The following KIF2A variants were observed in gnomAD, a reference collection of about 807,000 sequenced individuals.
KIF2A encodes kinesin family member 2A.
KIF2A carries 22 observed loss-of-function variants against 100.2 expected under a neutral mutation model. That is an observed-to-expected ratio of 0.22 (90% CI 0.16 to 0.31). KIF2A has a LOEUF of 0.31. Ranked by LOEUF, KIF2A falls within the 10% of genes least tolerant of loss-of-function variation. KIF2A has a pLI of 1.00. For missense variants in KIF2A, 495 were observed against 898.7 expected (o/e 0.55, Z 5.74); for synonymous variants, 268 against 285.9 (o/e 0.94, Z 0.63).
intron 1 of KIF2A, among the ~76,000 whole-genome samples, chr5:62,340,244 T>C (rs1359052856): frequency 6.6e-6 from 1 of 152,180 alleles, no homozygotes; most frequent in Non-Finnish European, 1.5e-5. Flanking sequence ...GCAGTTGTTA[T>C]CTTTGGGAGG....
In KIF2A at chr5:62,370,878, G is replaced by GA. The variant is rs1216604637; in HGVS notation, c.1647-1554dup. ...TTGGGCAAGAGGGCTTTGGATAGAG[G>GA]AAAAAATGTGTGGATGAAGCTAATA... On this transcript the variant is annotated intron_variant, in intron 16 of 20. Coordinates refer to ENST00000407818, the MANE Select transcript of KIF2A (RefSeq NM_001098511.3). 3.9e-5 allele frequency among the ~76,000 whole-genome samples: 6 copies of GA among 152,010 alleles called. No homozygotes were observed. In the East Asian group the frequency reaches 9.6e-4, roughly 24 times the overall value.
chr5:62,363,695 A>G lies in KIF2A; in HGVS notation c.1263A>G (p.Arg421=), dbSNP rs758829591. 2.4e-5 allele frequency: 39 copies of G among 1,612,512 alleles called. No homozygotes were observed. In the Admixed American group the frequency reaches 6.3e-4, roughly 26 times the overall value. The change falls in exon 14 of 21, where the codon AGA becomes AGG. Residue 421 remains arginine (R), a splice_region_variant and synonymous_variant. Transcript: ENST00000407818. ...CAAGATGTCCTTAATCACATTGTAG[A>G]ACATCCGGTCAAACATCTGCAAATG... is the stretch of plus-strand genomic sequence containing the variant. The part of the protein sequence containing the change: ...LKLIDIGNSC[R]TSGQTSANAH...
chr5:62,328,320 G>T (rs368741053), intron 1 of KIF2A, among the ~76,000 whole-genome samples: 241 of 144,336 alleles, frequency 1.7e-3, no homozygotes, highest in Non-Finnish European at 2.5e-3. Context: ...GTACTGTGTG[G>T]TTTTTTTTTT....
chr5:62,331,871 A>G (rs1237569429), intron 1 of KIF2A, among the ~76,000 whole-genome samples: 1 of 151,444 alleles, frequency 6.6e-6, no homozygotes, highest in Non-Finnish European at 1.5e-5. Flanking sequence ...GCTTTTTTGT[A>G]TTTTTCCTAA....
Position 62,388,623 on chromosome 5 carries a change from A to G in KIF2A, c.*3054A>G, listed in dbSNP as rs1443000660. 4 of 170,150 alleles carry G rather than the reference A, an allele frequency of 2.4e-5. No individual in the cohort carries two copies. The highest frequency in any genetic ancestry group is 6.3e-5 in the Admixed American group (1 of 15,902). 10.5% of individuals were successfully genotyped at this position (170,150 alleles called of 1,614,324 possible). ...TGGTATGGGGAATGTGTGACTAGTG[A>G]AGCATATTTTAACTTTTTTATTACT... On this transcript the variant is annotated 3_prime_UTR_variant, in exon 21 of 21. Coordinates refer to ENST00000407818, the MANE Select transcript of KIF2A (RefSeq NM_001098511.3).
At chr5:62,342,757 AT>A (rs558258021) in intron 1 of KIF2A, among the ~76,000 whole-genome samples, 12,116 of 141,602 alleles carry the variant, frequency 0.086, 1,491 homozygotes, top group African/African-American at 0.28. Context: ...TTTAATCTTA[AT>A]TTTTTTTTTT....
chr5:62,335,810 T>C (rs1169324587), intron 1 of KIF2A, among the ~76,000 whole-genome samples: 1 of 152,232 alleles, frequency 6.6e-6, no homozygotes. Context: ...TGACATTTTC[T>C]GTACTAATTT....
At chr5:62,339,679 T>G (rs1747180777) in intron 1 of KIF2A, among the ~76,000 whole-genome samples, 1 of 150,940 alleles carries the variant, frequency 6.6e-6, no homozygotes, top group Non-Finnish European at 1.5e-5. Flanking sequence ...TGTATATTTG[T>G]GCAATGAAAT....
intron 6 of KIF2A, among the ~76,000 whole-genome samples, chr5:62,353,971 A>T (rs1000531501): frequency 3.3e-5 from 5 of 152,010 alleles, no homozygotes; most frequent in South Asian, 2.1e-4. Flanking sequence ...GTTATTATAC[A>T]TAACTGCACC....
intron 18 of KIF2A, among the ~76,000 whole-genome samples, chr5:62,376,736 TTTTTGTTTTG>T (rs772447857): frequency 3.9e-5 from 6 of 151,986 alleles, no homozygotes; most frequent in East Asian, 1.9e-4. Flanking sequence ...TTTTTTTTGT[TTTTTGTTTTG>T]TTTTGTTTTG....
chr5:62,337,891 GA>G, intron 1 of KIF2A, among the ~76,000 whole-genome samples: 1 of 151,718 alleles, frequency 6.6e-6, no homozygotes, highest in Non-Finnish European at 1.5e-5. Flanking sequence ...TAAAAATCCA[GA>G]ACAAAACAGA....
intron 1 of KIF2A, among the ~76,000 whole-genome samples, chr5:62,340,203 C>T (rs1747224951): frequency 6.6e-6 from 1 of 152,100 alleles, no homozygotes; most frequent in Admixed American, 6.5e-5. Context: ...TCCCAAAGTG[C>T]TGGGATTGCA....
intron 1 of KIF2A, among the ~76,000 whole-genome samples, chr5:62,322,894 G>A (rs1350224919): frequency 9.4e-6 from 1 of 106,804 alleles, no homozygotes; most frequent in Non-Finnish European, 1.8e-5. Context: ...TATTTTTAAT[G>A]TTACTTTAAA....
chr5:62,323,526 G>GAA (rs879662161), intron 1 of KIF2A, among the ~76,000 whole-genome samples: 6 of 81,994 alleles, frequency 7.3e-5, no homozygotes, highest in Admixed American at 1.2e-4. Flanking sequence ...CTGTCTCAAA[G>GAA]AAAAAAAAAA....
intron 1 of KIF2A, among the ~76,000 whole-genome samples, chr5:62,331,706 C>G (rs1746657444): frequency 6.6e-6 from 1 of 151,060 alleles, no homozygotes; most frequent in Admixed American, 6.6e-5. Context: ...GGAAGACTTG[C>G]CATATGTATG....
intron 1 of KIF2A, among the ~76,000 whole-genome samples, chr5:62,329,172 A>T (rs540843805): frequency 6.6e-6 from 1 of 152,218 alleles, no homozygotes; most frequent in East Asian, 1.9e-4. Context: ...TAAGAAAGGA[A>T]ATACTAGAAC....
chr5:62,347,095 G>A, intron 1 of KIF2A, 35 bp from the exon 2 acceptor site: 3 of 1,168,308 alleles, frequency 2.6e-6, no homozygotes, highest in Non-Finnish European at 3.8e-6. Flanking sequence ...CATAATTTGT[G>A]GCATTTTTAA....
rs1322793898 is a variant in KIF2A at position 62,388,985 on chromosome 5, T to A, written c.*3416T>A. On this transcript the variant is annotated 3_prime_UTR_variant, in exon 21 of 21. Transcript: ENST00000407818. Reference sequence around the variant, plus strand: ...ACAAAATTCATTTCTTTTCTTGACCTTGAAAATTTCTGTTTTCCAAATACC... The same window carrying A: ...ACAAAATTCATTTCTTTTCTTGACCATGAAAATTTCTGTTTTCCAAATACC... The A allele has an allele frequency of 1.9e-6, 3 of 1,598,306 alleles. No individual in the cohort carries two copies. The highest frequency in any genetic ancestry group is 2.2e-5 in the South Asian group (2 of 89,594).
At chr5:62,366,033 C>T (rs1237067449) in intron 15 of KIF2A, among the ~76,000 whole-genome samples, 1 of 151,984 alleles carries the variant, frequency 6.6e-6, no homozygotes, top group Non-Finnish European at 1.5e-5. Context: ...CATTTCTTTA[C>T]CAGAGAGACT....
Sources: allele counts gnomAD v4.1 joint callset (sites outside exome capture counted in the v4.1 genomes callset), GRCh38; gene constraint gnomAD v4.1.1; transcripts MANE v1.5; gene names NCBI Gene and HGNC (gene_info 2026-07-23, HGNC 2026-07-21).